The following IDO2 variants were observed in gnomAD, a reference collection of about 807,000 sequenced individuals.
IDO2 encodes the protein indoleamine 2,3-dioxygenase 2, also known as indoleamine 2,3-dioxygenase-like 1 protein.
A neutral mutation model predicts 45.1 loss-of-function variants in IDO2; 46 were observed. The ratio of observed to expected loss-of-function variants is 1.02; its 90% confidence interval spans 0.80 to 1.30. The LOEUF (loss-of-function observed/expected upper bound fraction) is 1.30, where lower values mean the gene tolerates loss of function less well. Among genes scored for constraint, IDO2 ranks in the 50% most tolerant of loss-of-function variants. The pLI is 0.00. For missense variants in IDO2, 544 were observed against 491.8 expected, an observed-to-expected ratio of 1.11 and a Z score of -1.00; for synonymous variants, 218 against 184.9, an observed-to-expected ratio of 1.18 and a Z score of -1.45.
At chr8:39,959,186 C>T (rs1489187348) in intron 2 of IDO2, among the ~76,000 whole-genome samples, 1 of 151,504 alleles carries the variant, frequency 6.6e-6, no homozygotes, top group Non-Finnish European at 1.5e-5. Context: ...TGGCTCACTG[C>T]AAGCTCTGCC....
intron 2 of IDO2, among the ~76,000 whole-genome samples, chr8:39,957,398 G>A (rs1807920993): frequency 6.6e-6 from 1 of 151,912 alleles, no homozygotes; most frequent in Admixed American, 6.6e-5. Flanking sequence ...GATCACATGA[G>A]GCCAGGAGTT....
At chr8:39,960,388 C>T (rs1318731803) in intron 2 of IDO2, among the ~76,000 whole-genome samples, 1 of 152,176 alleles carries the variant, frequency 6.6e-6, no homozygotes, top group Non-Finnish European at 1.5e-5. Flanking sequence ...TTGCTTCTTC[C>T]AGTCCTTTGC....
intron 9 of IDO2, among the ~76,000 whole-genome samples, chr8:40,008,763 A>G (rs1802260754): frequency 6.6e-6 from 1 of 152,184 alleles, no homozygotes; most frequent in East Asian, 1.9e-4. Context: ...TTTTACTTTC[A>G]TTAAAATAAA....
At chr8:39,983,579 C>G (rs1563434714) in intron 5 of IDO2, among the ~76,000 whole-genome samples, 1 of 151,928 alleles carries the variant, frequency 6.6e-6, no homozygotes, top group Non-Finnish European at 1.5e-5. Flanking sequence ...ATTTATGTGC[C>G]CCGGCCGGGC....
chr8:39,955,647 ACT>A (rs1189621861), intron 2 of IDO2, among the ~76,000 whole-genome samples: 1 of 152,030 alleles, frequency 6.6e-6, no homozygotes, highest in Non-Finnish European at 1.5e-5. Context: ...TGAAGCTTAG[ACT>A]CGAATCTACC....
chr8:39,987,746 C>G, intron 6 of IDO2, 125 bp from the exon 7 acceptor site: 1 of 618,320 alleles, frequency 1.6e-6, no homozygotes, highest in Non-Finnish European at 2.9e-6. Context: ...GGCTGTCTTA[C>G]GGAGAGGAGA....
chr8:40,012,331 GT>G (rs1232424647), intron 9 of IDO2, among the ~76,000 whole-genome samples: 2 of 152,162 alleles, frequency 1.3e-5, no homozygotes, highest in Non-Finnish European at 2.9e-5. Flanking sequence ...CACATATGGG[GT>G]TCTTGTAAAA....
At chr8:39,941,221 C>CAAAAAA (rs59745370) in intron 1 of IDO2, among the ~76,000 whole-genome samples, 878 of 80,478 alleles carry the variant, frequency 0.011, 86 homozygotes, top group African/African-American at 0.048. Context: ...GACTCCATCT[C>CAAAAAA]AAAAAAAAAA....
intron 4 of IDO2, among the ~76,000 whole-genome samples, chr8:39,982,236 G>GTATATATA (rs10612525): frequency 3.1e-4 from 44 of 139,704 alleles, no homozygotes; most frequent in African/African-American, 1.1e-3. Context: ...ATATATGTGT[G>GTATATATA]TATATATATA....
chr8:40,008,432 A>G lies in IDO2; in HGVS notation c.719+3054A>G, dbSNP rs1400294891. ...AGCCAGAGAAAACTCTCTGATTTTAAAGGTCTTATGTGATTAGATTCAGCT... is the reference window on the plus strand; with the variant it reads ...AGCCAGAGAAAACTCTCTGATTTTAGAGGTCTTATGTGATTAGATTCAGCT... On this transcript the variant is annotated intron_variant, in intron 9 of 10. Transcript: ENST00000502986. Among the ~76,000 whole-genome samples the G allele has an allele frequency of 3.9e-5, 6 of 152,252 alleles. No homozygotes were observed. The East Asian group carries it at 1.2e-3, about 29-fold the overall frequency.
chr8:39,996,330 A>G (rs550826554), intron 8 of IDO2, among the ~76,000 whole-genome samples: 2 of 152,346 alleles, frequency 1.3e-5, no homozygotes, highest in East Asian at 1.9e-4. Context: ...TGAAAGTACT[A>G]AAAGTCTTTG....
At chr8:39,996,509 C>A (rs1802048882) in intron 8 of IDO2, among the ~76,000 whole-genome samples, 1 of 152,088 alleles carries the variant, frequency 6.6e-6, no homozygotes, top group South Asian at 2.1e-4. Context: ...TAAATAACAG[C>A]TCAATCTGGC....
At chr8:40,002,641 C>G (rs1377112975) in intron 8 of IDO2, among the ~76,000 whole-genome samples, 1 of 152,054 alleles carries the variant, frequency 6.6e-6, no homozygotes, top group Non-Finnish European at 1.5e-5. Context: ...CAAAAATTAG[C>G]TGGACGTTGG....
At chr8:39,986,677 G>GATA (rs1346759694) in intron 6 of IDO2, among the ~76,000 whole-genome samples, 6 of 139,600 alleles carry the variant, frequency 4.3e-5, no homozygotes, top group Non-Finnish European at 8.9e-5. Flanking sequence ...CATTGAGATA[G>GATA]ATAGATAGAT....
chr8:40,000,226 A>G (rs769024216), intron 8 of IDO2, among the ~76,000 whole-genome samples: 1 of 152,106 alleles, frequency 6.6e-6, no homozygotes, highest in South Asian at 2.1e-4. Context: ...ATCCTGGCCA[A>G]TATGATGAAA....
intron 8 of IDO2, among the ~76,000 whole-genome samples, chr8:39,991,887 G>T (rs184196443): frequency 2.6e-5 from 4 of 152,268 alleles, no homozygotes; most frequent in African/African-American, 9.6e-5. Flanking sequence ...CACTTTTTAG[G>T]CCCAGGCCAA....
intron 8 of IDO2, among the ~76,000 whole-genome samples, chr8:39,991,190 T>C (rs992207390): frequency 2.6e-5 from 4 of 152,250 alleles, no homozygotes; most frequent in African/African-American, 9.6e-5. Context: ...GGATTAGGTA[T>C]TATCCACTTC....
chr8:39,945,402 C>G (rs1466718707), intron 1 of IDO2, among the ~76,000 whole-genome samples: 1 of 152,304 alleles, frequency 6.6e-6, no homozygotes, highest in African/African-American at 2.4e-5. Flanking sequence ...GATCTTTCAG[C>G]CCTCTGAGGT....
intron 4 of IDO2, among the ~76,000 whole-genome samples, chr8:39,980,190 G>C (rs188999167): frequency 9.6e-4 from 146 of 152,216 alleles, no homozygotes; most frequent in Admixed American, 3.7e-3. Flanking sequence ...AAATTATCTA[G>C]GTTGCTCTTC....
Sources: gnomAD v4.1 joint callset for allele counts (sites outside exome capture counted in the v4.1 genomes callset) on GRCh38, gnomAD v4.1.1 for gene constraint, MANE v1.5 for transcripts, NCBI Gene and HGNC (gene_info 2026-07-23, HGNC 2026-07-21) for gene names.